KIF1A: variants seen among roughly 807,000 people sequenced by gnomAD.
KIF1A encodes the protein kinesin family member 1A.
In KIF1A, 46 loss-of-function variants were observed where a neutral mutation model predicts 227.3. The observed-to-expected ratio is 0.20, with a 90% confidence interval of 0.16 to 0.26. KIF1A has a LOEUF of 0.26. KIF1A is among the 10% of genes least tolerant of loss of function. The probability of loss-of-function intolerance (pLI) is 1.00; values close to 1 mark genes in which losing one functional copy is unlikely to be tolerated. For missense variants in KIF1A, 1,683 were observed against 2,485.9 expected (o/e 0.68, Z 6.87); for synonymous variants, 1,022 against 1,012.8 (o/e 1.01, Z -0.17).
rs966958315 is a variant in KIF1A, at chr2:240,741,175, T to C, written c.3749+94A>G. 8.6e-6 allele frequency: 7 copies of C among 809,442 alleles called. No individual in the cohort carries two copies. In the African/African-American group the frequency reaches 1.0e-4, roughly 12 times the overall value. 50.1% of individuals were successfully genotyped at this position (809,442 alleles called of 1,614,324 possible). ...CACCCGCTGGAAGAACGACTCTGGA[T>C]GCTGGCAACCCTCAGGCAGCTCAAG... On this transcript the variant is annotated intron_variant, in intron 35 of 48. Transcript: ENST00000498729.
At position 240,792,236 on chromosome 2, in the gene KIF1A, C is replaced by T. The variant is rs1230488753; in HGVS notation, c.107-2924G>A. Among the ~76,000 whole-genome samples the T allele has an allele frequency of 1.3e-5, 2 of 152,200 alleles. No homozygotes were observed. Among genetic ancestry groups the T allele is most frequent in the African/African-American group, 4.8e-5 (2 of 41,456 alleles). On this transcript the variant is annotated intron_variant, in intron 2 of 48. Transcript: ENST00000498729. This position sits in a 1 kb window ranked among gnomAD's most constrained non-coding sequence, Gnocchi z 4.5. The stretch of plus-strand genomic sequence containing the variant: ...TTCAGCAGCCTGCTTCTCACAGAGA[C>T]CTCCCCGATTCTGCTGGAGAAAGGG...
At chr2:240,724,889 C>T (rs1461656535) in intron 40 of KIF1A, 1 of 209,552 alleles carries the variant, frequency 4.8e-6, no homozygotes, top group African/African-American at 2.5e-5. Flanking sequence ...CAGTCAGTCC[C>T]ATGGCACAGG....
intron 17 of KIF1A, among the ~76,000 whole-genome samples, chr2:240,767,738 C>T (rs1295680830): frequency 6.6e-6 from 1 of 152,244 alleles, no homozygotes; most frequent in Non-Finnish European, 1.5e-5. Context: ...CCATGGGGTC[C>T]TGGGTTCCCA....
At chr2:240,751,247 T>C (rs989372188) in intron 27 of KIF1A, among the ~76,000 whole-genome samples, 2 of 151,958 alleles carry the variant, frequency 1.3e-5, no homozygotes, top group African/African-American at 4.8e-5. Flanking sequence ...TGCTGACCAA[T>C]ATGTGGGCAG....
chr2:240,718,776 C>T (rs1228183756), intron 47 of KIF1A, among the ~76,000 whole-genome samples: 1 of 152,220 alleles, frequency 6.6e-6, no homozygotes. Flanking sequence ...GGAGTCCATC[C>T]CCACTAGCTG....
chr2:240,746,766 A>G (rs1313583898), intron 29 of KIF1A, among the ~76,000 whole-genome samples: 2 of 152,222 alleles, frequency 1.3e-5, no homozygotes, highest in African/African-American at 4.8e-5. Context: ...TGAGTGGTCC[A>G]GGTGCCACTG....
Position 240,714,068 on chromosome 2 carries a change from C to G in KIF1A, c.*3296G>C, listed in dbSNP as rs1171347748. The G allele has an allele frequency of 3.3e-5, 5 of 152,598 alleles. No individual in the cohort carries two copies. The highest frequency in any genetic ancestry group is 1.5e-5 in the Non-Finnish European group (1 of 68,240). 9.5% of individuals were successfully genotyped at this position (152,598 alleles called of 1,614,324 possible). On this transcript the variant is annotated 3_prime_UTR_variant, in exon 49 of 49. Transcript: ENST00000498729. ...GTCTGGGGGACCGCACGGCCCGGCA[C>G]CGGGGGTAAGGGAGTGTGCCTTCCG...
At chr2:240,742,879 A>C (rs931998553) in intron 34 of KIF1A, 50 bp downstream of exon 34, 41 of 1,494,154 alleles carry the variant, frequency 2.7e-5, no homozygotes, top group Non-Finnish European at 3.6e-5. Flanking sequence ...TACAGCACCC[A>C]CAGTGAGGGG....
At chr2:240,802,689 T>C (rs2057070197) in intron 1 of KIF1A, among the ~76,000 whole-genome samples, 1 of 152,214 alleles carries the variant, frequency 6.6e-6, no homozygotes, top group Non-Finnish European at 1.5e-5. Flanking sequence ...TAGAGTTCAG[T>C]GGCATGATCT....
intron 17 of KIF1A, among the ~76,000 whole-genome samples, chr2:240,768,348 G>C (rs2051466746): frequency 1.3e-5 from 2 of 152,220 alleles, no homozygotes; most frequent in South Asian, 4.1e-4. Context: ...GCCTGGGACT[G>C]GAATCTCCCT....
At chr2:240,785,521 A>C (rs10183779) in intron 6 of KIF1A, among the ~76,000 whole-genome samples, 48,669 of 152,016 alleles carry the variant, frequency 0.32, 10,316 homozygotes, top group African/African-American at 0.61. Context: ...CCCTCAGGAG[A>C]TGGCATGGGT....
At chr2:240,813,668 C>T (rs1441005352) in intron 1 of KIF1A, among the ~76,000 whole-genome samples, 2 of 152,114 alleles carry the variant, frequency 1.3e-5, no homozygotes, top group South Asian at 2.1e-4. Context: ...CACCCCACCC[C>T]CCATGGACAC....
At chr2:240,728,247 A>C in intron 38 of KIF1A, 1 of 475,284 alleles carries the variant, frequency 2.1e-6, no homozygotes, top group Non-Finnish European at 4.1e-6. Context: ...GACACATGTC[A>C]CCGAGGAGCA....
chr2:240,797,781 C>T lies in KIF1A; in HGVS notation c.-29G>A. On this transcript the variant is annotated 5_prime_UTR_variant, in exon 2 of 49. Transcript: ENST00000498729. ...TGTGGCCTTCGTGGGTCACTCCTCGCAGTAGTGGGAGCCCCAGTGTGGGGG... is the reference window on the plus strand; with the variant it reads ...TGTGGCCTTCGTGGGTCACTCCTCGTAGTAGTGGGAGCCCCAGTGTGGGGG... 1 of 1,440,738 alleles carries T rather than the reference C, an allele frequency of 6.9e-7. No individual in the cohort carries two copies. The highest frequency in any genetic ancestry group is 9.7e-7 in the Non-Finnish European group (1 of 1,032,754). The allele number at this position is 1,440,738 out of a possible 1,614,324, so 89.2% of individuals were successfully genotyped here. A position where few individuals can be genotyped will look rare whatever the true frequency, so the allele number is the denominator to read the frequency against.
chr2:240,743,891 G>A lies in KIF1A; in HGVS notation c.3584+51C>T, dbSNP rs201681924. 5,015 of 1,205,610 alleles carry A rather than the reference G, an allele frequency of 4.2e-3. 30 individuals are homozygous for A. The highest frequency in any genetic ancestry group is 0.012 in the Middle Eastern group (63 of 5,216). The allele number at this position is 1,205,610 out of a possible 1,614,324, so 74.7% of individuals were successfully genotyped here. On this transcript the variant is annotated intron_variant, in intron 33 of 48. Coordinates refer to ENST00000498729, the MANE Select transcript of KIF1A (RefSeq NM_001244008.2). Reference sequence around the variant, plus strand: ...AAGACAGCTGGATGAAAAGATCTGGGCAGGGGCTTTGAGGACAGCAGCCCC... The same window carrying A: ...AAGACAGCTGGATGAAAAGATCTGGACAGGGGCTTTGAGGACAGCAGCCCC...
At chr2:240,728,077 C>T (rs1237894805) in intron 38 of KIF1A, among the ~76,000 whole-genome samples, 2 of 152,206 alleles carry the variant, frequency 1.3e-5, no homozygotes, top group East Asian at 1.9e-4. Context: ...TGGGCGGCCA[C>T]GCAGGCTCCA....
Position 240,740,343 on chromosome 2 carries a change from G to T in KIF1A, c.3771C>A (p.Asp1257Glu), listed in dbSNP as rs759705348. Residue 1257 changes from aspartate (D) to glutamate (E), a missense_variant, in exon 36 of 49, where the codon GAC becomes GAA. Physicochemically the swap from Asp to Glu is conservative, Grantham distance 45. Around this residue, in one of 12 missense-constraint regions of KIF1A, gnomAD observed 759 missense variants for 1,020.2 expected, o/e 0.74. Transcript: ENST00000498729. This position sits in a 1 kb window ranked among gnomAD's most constrained non-coding sequence, Gnocchi z 6.1. The part of the protein sequence containing the change: ...ANGDYIPAVV[D>E]HRGGMPCMGT... The stretch of plus-strand genomic sequence containing the variant: ...CCATGCATGGCATGCCCCCACGGTG[G>T]TCCACCACGGCCGGGATGTAACTGG... 4 of 1,613,586 alleles carry T rather than the reference G, an allele frequency of 2.5e-6. No individual in the cohort carries two copies. The highest frequency in any genetic ancestry group is 1.1e-5 in the South Asian group (1 of 91,078).
intron 33 of KIF1A, among the ~76,000 whole-genome samples, 163 bp downstream of exon 33, chr2:240,743,777 GCT>G (rs2048273812): frequency 6.6e-6 from 1 of 152,180 alleles, no homozygotes; most frequent in Non-Finnish European, 1.5e-5. Context: ...GCTCTTAATT[GCT>G]CTCTGAGTCC....
At chr2:240,727,245 C>A (rs2046125495) in intron 38 of KIF1A, among the ~76,000 whole-genome samples, 1 of 151,974 alleles carries the variant, frequency 6.6e-6, no homozygotes, top group Non-Finnish European at 1.5e-5. Context: ...GGAATGAGAA[C>A]AAGAAGGGCA....
Sources: allele counts gnomAD v4.1 joint callset (sites outside exome capture counted in the v4.1 genomes callset), GRCh38; gene constraint gnomAD v4.1.1; regional missense constraint gnomAD v4.1.1; non-coding constraint Gnocchi (gnomAD v3.1); transcripts MANE v1.5; gene names NCBI Gene and HGNC (gene_info 2026-07-23, HGNC 2026-07-21).